Variants in PACRG observed in about 807,000 individuals in gnomAD.
PACRG encodes parkin coregulated, also known as parkin coregulated gene protein.
PACRG carries 29 observed loss-of-function variants against 29.7 expected under a neutral mutation model. That is an observed-to-expected ratio of 0.98 (90% confidence interval 0.73 to 1.33). The LOEUF (loss-of-function observed/expected upper bound fraction) is 1.33. PACRG is among the 40% of genes most tolerant of loss of function. PACRG has a pLI of 0.00. For missense variants in PACRG, 279 were observed against 316.2 expected, an observed-to-expected ratio of 0.88 and a Z score of 0.89; for synonymous variants, 116 against 118.7, an observed-to-expected ratio of 0.98 and a Z score of 0.15.
chr6:162,783,342 T>TG (rs1184044507), intron 1 of PACRG, among the ~76,000 whole-genome samples: 1 of 151,968 alleles, frequency 6.6e-6, no homozygotes, highest in Non-Finnish European at 1.5e-5. Flanking sequence ...AACCATTGAC[T>TG]GAAAAAATGA....
At chr6:162,855,796 G>T (rs1791342605) in intron 2 of PACRG, among the ~76,000 whole-genome samples, 1 of 152,196 alleles carries the variant, frequency 6.6e-6, no homozygotes. Flanking sequence ...TCCATAGGGC[G>T]TAGCAGTTCC....
intron 2 of PACRG, among the ~76,000 whole-genome samples, chr6:162,846,781 T>C (rs763256324): frequency 6.6e-6 from 1 of 152,212 alleles, no homozygotes; most frequent in Non-Finnish European, 1.5e-5. Context: ...ATTCCTGTAG[T>C]GCTTCAGTTC....
rs1779420333 is a variant in PACRG, at chr6:162,728,137, C to T, written c.-99C>T. On this transcript the variant is annotated 5_prime_UTR_variant, in exon 1 of 5. Transcript: ENST00000366888. Reference sequence around the variant, plus strand: ...AGGGGTTGAATTTCTACCATTATCGCGCCTTTTGATATTTTTTTCCAGACC... The same window carrying T: ...AGGGGTTGAATTTCTACCATTATCGTGCCTTTTGATATTTTTTTCCAGACC... 2.2e-6 allele frequency: 3 copies of T among 1,381,126 alleles called. No individual in the cohort carries two copies. Among genetic ancestry groups the T allele is most frequent in the Non-Finnish European group, 3.0e-6 (3 of 1,009,788 alleles). The allele number at this position is 1,381,126 out of a possible 1,614,324, so 85.6% of individuals were successfully genotyped here.
At chr6:162,784,712 A>G (rs1375703701) in intron 1 of PACRG, among the ~76,000 whole-genome samples, 2 of 152,198 alleles carry the variant, frequency 1.3e-5, no homozygotes, top group Admixed American at 1.3e-4. Context: ...TATGAAATAA[A>G]CATTTTTAAA....
intron 1 of PACRG, among the ~76,000 whole-genome samples, chr6:162,780,051 G>A (rs1320031959): frequency 3.3e-5 from 5 of 152,190 alleles, no homozygotes; most frequent in Non-Finnish European, 7.3e-5. Flanking sequence ...GGAATGAGAT[G>A]TACAAAGAGA....
intron 2 of PACRG, among the ~76,000 whole-genome samples, chr6:162,938,277 CAG>C (rs1293775707): frequency 6.6e-6 from 1 of 152,158 alleles, no homozygotes; most frequent in Non-Finnish European, 1.5e-5. Context: ...ATATATACCA[CAG>C]TTTCTTTATC....
At chr6:163,208,266 A>ATTTTCT (rs1554228659) in intron 4 of PACRG, among the ~76,000 whole-genome samples, 1 of 151,178 alleles carries the variant, frequency 6.6e-6, no homozygotes, top group African/African-American at 2.4e-5. Context: ...TATATTGGAG[A>ATTTTCT]TTTTCTTTTC....
rs1298729416 is a variant in PACRG at position 162,947,219 on chromosome 6, A to G, written c.292-114931A>G. Among the ~76,000 whole-genome samples, 3 of 147,338 alleles carry G rather than the reference A, an allele frequency of 2.0e-5. No homozygotes were observed. In the East Asian group the frequency reaches 5.9e-4, roughly 29 times the overall value. Reference sequence around the variant, plus strand: ...CATGTATGTGTGTGGGTGTGTATGTATATCTATATATAATATAGATATATA... The same window carrying G: ...CATGTATGTGTGTGGGTGTGTATGTGTATCTATATATAATATAGATATATA... On this transcript the variant is annotated intron_variant, in intron 2 of 4. Coordinates refer to ENST00000366888, the MANE Select transcript of PACRG (RefSeq NM_001080379.2).
chr6:163,160,792 C>A (rs1156257438), intron 4 of PACRG, among the ~76,000 whole-genome samples: 1 of 152,132 alleles, frequency 6.6e-6, no homozygotes, highest in African/African-American at 2.4e-5. Flanking sequence ...CTTAATTTCC[C>A]CCCTTGAATA....
chr6:162,872,789 C>T (rs1792937961), intron 2 of PACRG, among the ~76,000 whole-genome samples: 1 of 152,264 alleles, frequency 6.6e-6, no homozygotes, highest in South Asian at 2.1e-4. Context: ...AAGGCACCCC[C>T]ACCTTTATTC....
intron 4 of PACRG, among the ~76,000 whole-genome samples, chr6:163,258,866 G>A (rs956838558): frequency 6.6e-6 from 1 of 152,076 alleles, no homozygotes; most frequent in Non-Finnish European, 1.5e-5. Context: ...AACACTTCTG[G>A]CAAAAGCACT....
intron 2 of PACRG, among the ~76,000 whole-genome samples, chr6:162,966,999 G>A (rs1801094367): frequency 6.6e-6 from 1 of 152,034 alleles, no homozygotes; most frequent in Admixed American, 6.6e-5. Context: ...ACAGCTTCAG[G>A]GCAACTTACA....
intron 2 of PACRG, among the ~76,000 whole-genome samples, chr6:162,858,817 G>A (rs1791614886): frequency 6.6e-6 from 1 of 152,134 alleles, no homozygotes; most frequent in South Asian, 2.1e-4. Flanking sequence ...CCTGTCACAT[G>A]AGGTCTTCAG....
chr6:163,062,263 G>A lies in PACRG; in HGVS notation c.405G>A (p.Leu135=). ...FFARQGIHDM[L]EHGGNKILPV... ...CTCGGCAAGGAATCCACGACATGCT[G>A]GAACACGGTGGGAACAAGATCCTAC... The change falls in exon 3 of 5, where the codon CTG becomes CTA. Residue 135 remains leucine, a synonymous_variant. Transcript: ENST00000366888. 17 of 1,614,078 alleles carry A rather than the reference G, an allele frequency of 1.1e-5. No homozygotes were observed. Among genetic ancestry groups the A allele is most frequent in the Non-Finnish European group, 1.4e-5 (17 of 1,180,004 alleles).
chr6:162,932,451 A>G (rs115173551), intron 2 of PACRG, among the ~76,000 whole-genome samples: 2,605 of 152,092 alleles, frequency 0.017, 75 homozygotes, highest in African/African-American at 0.06. Flanking sequence ...GAAGAGTTTG[A>G]GTATAATTGG....
chr6:163,265,004 A>G (rs1056235584), intron 4 of PACRG, among the ~76,000 whole-genome samples: 22 of 152,342 alleles, frequency 1.4e-4, no homozygotes, highest in African/African-American at 5.3e-4. Context: ...AGATCCTAGC[A>G]ATGGATGATA....
intron 1 of PACRG, among the ~76,000 whole-genome samples, chr6:162,789,790 G>T (rs980388421): frequency 2.0e-5 from 3 of 152,038 alleles, no homozygotes; most frequent in African/African-American, 7.2e-5. Context: ...AAATAACCAG[G>T]GTGAGATAAC....
intron 1 of PACRG, among the ~76,000 whole-genome samples, chr6:162,743,019 A>G (rs1057366981): frequency 2.0e-5 from 3 of 152,118 alleles, no homozygotes; most frequent in African/African-American, 7.2e-5. Flanking sequence ...ATTTTTCCAC[A>G]TCCCCACAAA....
In PACRG at chr6:163,269,820, GGA is replaced by G. The variant is rs1221725317; in HGVS notation, c.614-45004_614-45003del. Among the ~76,000 whole-genome samples, 44 of 43,506 alleles carry G rather than the reference GGA, an allele frequency of 1.0e-3. 4 individuals carry two copies. The highest frequency in any genetic ancestry group is 2.0e-3 in the South Asian group (3 of 1,476). 28.5% of individuals were successfully genotyped at this position (43,506 alleles called of 152,430 possible). A position where few individuals can be genotyped will look rare whatever the true frequency, so the allele number is the denominator to read the frequency against. On this transcript the variant is annotated intron_variant, in intron 4 of 4. Coordinates refer to ENST00000366888, the MANE Select transcript of PACRG (RefSeq NM_001080379.2). Reference sequence around the variant, plus strand: ...AGGAAGGAAGGAAGGAAGGAAGGAAGGAGAAAGAAAGAAAGAAAAAGAAAGAA... The same window carrying G: ...AGGAAGGAAGGAAGGAAGGAAGGAAGGAAAGAAAGAAAGAAAAAGAAAGAA...
Sources: gnomAD v4.1 joint callset for allele counts (sites outside exome capture counted in the v4.1 genomes callset) on GRCh38, gnomAD v4.1.1 for gene constraint, MANE v1.5 for transcripts, NCBI Gene and HGNC (gene_info 2026-07-23, HGNC 2026-07-21) for gene names.